The following UGDH variants were observed in gnomAD, a reference collection of about 807,000 sequenced individuals.
The protein encoded by UGDH is UDP-Glc dehydrogenase.
In UGDH, 38 loss-of-function variants were observed where a neutral mutation model predicts 50.6. The observed-to-expected ratio is 0.75, with a 90% CI of 0.58 to 0.98. UGDH has a LOEUF of 0.98. UGDH is among the 50% of genes least tolerant of loss of function. UGDH has a pLI of 0.00. For synonymous variants in UGDH, 168 were observed against 199.9 expected, an observed-to-expected ratio of 0.84 and a Z score of 1.35; for missense variants, 465 against 606.2, an observed-to-expected ratio of 0.77 and a Z score of 2.45.
chr4:39,503,532 A>G (rs551716012), intron 11 of UGDH, among the ~76,000 whole-genome samples: 1 of 152,302 alleles, frequency 6.6e-6, no homozygotes, highest in Admixed American at 6.5e-5. Context: ...GGAAGTAGAG[A>G]AGTAGAGTAG....
intron 11 of UGDH, among the ~76,000 whole-genome samples, chr4:39,500,968 G>T (rs2687977): frequency 0.95 from 142,604 of 150,336 alleles, 68,005 homozygotes; most frequent in Non-Finnish European, 1. Flanking sequence ...ACAGCATAAT[G>T]CTTTTTTTTT....
At chr4:39,523,116 T>C (rs1450671670) in intron 1 of UGDH, among the ~76,000 whole-genome samples, 3 of 152,026 alleles carry the variant, frequency 2.0e-5, no homozygotes, top group Admixed American at 2.0e-4. Flanking sequence ...AGTGGCACCA[T>C]CTCAGCTGCA....
chr4:39,501,985 TATATTAACCAGTTGTCTCAGTGACTTACA>T (rs1234910589), intron 11 of UGDH, among the ~76,000 whole-genome samples: 2 of 152,232 alleles, frequency 1.3e-5, no homozygotes, highest in Non-Finnish European at 2.9e-5. Flanking sequence ...GCTTCTGCTT[TATATTAACCAGTTGTCTCAGTGACTTACA>T]AATTCTCCTT....
At chr4:39,513,955 A>T (rs10019401) in intron 3 of UGDH, 128 bp downstream of exon 3, 103,284 of 720,466 alleles carry the variant, frequency 0.14, 11,776 homozygotes, top group African/African-American at 0.43. Flanking sequence ...GACAACCAAA[A>T]TTCACCGGAC....
intron 1 of UGDH, among the ~76,000 whole-genome samples, chr4:39,526,192 A>C (rs1746882169): frequency 6.6e-6 from 1 of 152,194 alleles, no homozygotes; most frequent in South Asian, 2.1e-4. Flanking sequence ...AAGATGCCTG[A>C]CCAGAGAAAA....
Position 39,513,324 on chromosome 4 carries a change from G to A in UGDH, c.264+759C>T, listed in dbSNP as rs373035910. Among the ~76,000 whole-genome samples the A allele has an allele frequency of 1.1e-4, 17 of 152,172 alleles. No individual in the cohort carries two copies. In the East Asian group the frequency reaches 3.1e-3, roughly 28 times the overall value. On this transcript the variant is annotated intron_variant, in intron 3 of 11. Transcript: ENST00000316423. ...TTCAGCCACATTATGAGGTAAAGGTGTCTGTTGGTTAGCCTGATAATCTAA... is the reference window on the plus strand; with the variant it reads ...TTCAGCCACATTATGAGGTAAAGGTATCTGTTGGTTAGCCTGATAATCTAA...
intron 3 of UGDH, among the ~76,000 whole-genome samples, chr4:39,513,266 G>C (rs1451242606): frequency 6.6e-6 from 1 of 152,014 alleles, no homozygotes; most frequent in Non-Finnish European, 1.5e-5. Context: ...CTCAAGTGTT[G>C]GTTCTGTTTT....
chr4:39,500,256 G>A lies in UGDH; in HGVS notation c.1375-3C>T. The A allele has an allele frequency of 5.3e-6, 8 of 1,508,258 alleles. No homozygotes were observed. Among genetic ancestry groups the A allele is most frequent in the Admixed American group, 1.9e-5 (1 of 51,512 alleles). The allele number at this position is 1,508,258 out of a possible 1,614,324, so 93.4% of individuals were successfully genotyped here. On this transcript the variant is annotated splice_region_variant and splice_polypyrimidine_tract_variant and intron_variant, in intron 11 of 11. Transcript: ENST00000316423. ...ACCTTTTTGCCAATTGTTTCAATCT[G>A]AAAAAAAAATAAAATTTAAGAGAAC...
intron 7 of UGDH, 86 bp from the exon 8 acceptor site, chr4:39,505,834 C>T (rs1216181875): frequency 8.9e-6 from 12 of 1,352,600 alleles, no homozygotes; most frequent in Non-Finnish European, 1.2e-5. Context: ...ATGGTGAGTG[C>T]TATTGTACAA....
chr4:39,504,687 A>G (rs980329753), intron 9 of UGDH, among the ~76,000 whole-genome samples, 179 bp from the exon 10 acceptor site: 2 of 152,348 alleles, frequency 1.3e-5, no homozygotes, highest in Admixed American at 1.3e-4. Flanking sequence ...TCTGATTGCC[A>G]AAAGTTACTA....
chr4:39,515,702 G>C (rs1746414689), intron 2 of UGDH, among the ~76,000 whole-genome samples: 1 of 152,028 alleles, frequency 6.6e-6, no homozygotes, highest in African/African-American at 2.4e-5. Flanking sequence ...AATCTAGACT[G>C]AAAAATTTCT....
chr4:39,505,779 T>C, intron 7 of UGDH, 31 bp from the exon 8 acceptor site: 3 of 1,580,380 alleles, frequency 1.9e-6, no homozygotes, highest in Non-Finnish European at 2.6e-6. Flanking sequence ...GTGCAATGAT[T>C]AGTTAAAAGA....
rs374054653 is a variant in UGDH, at chr4:39,503,999, C to T, written c.1264-14G>A. On this transcript the variant is annotated splice_polypyrimidine_tract_variant and intron_variant, in intron 10 of 11. Transcript: ENST00000316423. ...ATAATCCAATTCCTGTAAAGACAAA[C>T]CACAGGAACAATTAAAACACATACG... 29 of 1,608,244 alleles carry T rather than the reference C, an allele frequency of 1.8e-5. No homozygotes were observed. Among genetic ancestry groups the T allele is most frequent in the Non-Finnish European group, 2.1e-5 (25 of 1,175,130 alleles).
At chr4:39,507,859 T>C (rs1746086796) in intron 7 of UGDH, among the ~76,000 whole-genome samples, 1 of 151,048 alleles carries the variant, frequency 6.6e-6, no homozygotes, top group Non-Finnish European at 1.5e-5. Flanking sequence ...AGTGGGAGGA[T>C]TGCTTGAGCA....
At chr4:39,527,135 AC>A (rs1746937951) in intron 1 of UGDH, 147 bp downstream of exon 1, 6 of 1,288,234 alleles carry the variant, frequency 4.7e-6, no homozygotes, top group East Asian at 5.5e-5. Context: ...CCCCAAAGAG[AC>A]GAAGGTCGTG....
chr4:39,509,804 C>T lies in UGDH; in HGVS notation c.767G>A (p.Gly256Glu). The T allele has an allele frequency of 1.2e-6, 2 of 1,613,100 alleles. No homozygotes were observed. Among genetic ancestry groups the T allele is most frequent in the Non-Finnish European group, 8.5e-7 (1 of 1,179,828 alleles). ...CTTGTTTCCAATTCTCTGGTCCATTCCAATCGCTGTTGCTACCTCTTCTAC... is the reference window on the plus strand; with the variant it reads ...CTTGTTTCCAATTCTCTGGTCCATTTCAATCGCTGTTGCTACCTCTTCTAC... The part of the protein sequence containing the change: ...ADVEEVATAI[G>E]MDQRIGNKFL... Residue 256 changes from glycine (G) to glutamate (E), a missense_variant, in exon 6 of 12, where the codon GGA becomes GAA. Transcript: ENST00000316423.
At chr4:39,503,362 T>C (rs1745901161) in intron 11 of UGDH, among the ~76,000 whole-genome samples, 2 of 152,174 alleles carry the variant, frequency 1.3e-5, no homozygotes, top group Middle Eastern at 3.2e-3. Flanking sequence ...TGACAAACTT[T>C]GAATCAGAAG....
At chr4:39,511,409 C>T (rs7691493) in intron 3 of UGDH, among the ~76,000 whole-genome samples, 20,798 of 151,416 alleles carry the variant, frequency 0.14, 2,917 homozygotes, top group African/African-American at 0.35. Flanking sequence ...TACAGGCATG[C>T]GCCACCACAC....
intron 3 of UGDH, among the ~76,000 whole-genome samples, chr4:39,512,902 G>A (rs1171932668): frequency 6.7e-6 from 1 of 149,150 alleles, no homozygotes; most frequent in Admixed American, 6.9e-5. Context: ...GCTCATTGCA[G>A]CCTCAACCTC....
Sources: gnomAD v4.1 joint callset for allele counts (sites outside exome capture counted in the v4.1 genomes callset) on GRCh38, gnomAD v4.1.1 for gene constraint, MANE v1.5 for transcripts, NCBI Gene and HGNC (gene_info 2026-07-23, HGNC 2026-07-21) for gene names.